DPH5: variants seen among roughly 807,000 people sequenced by gnomAD.
DPH5 encodes the protein diphthine methyl ester synthase.
Under a neutral mutation model 31.6 loss-of-function variants are expected in DPH5, and 31 were observed. The ratio of observed to expected loss-of-function variants is 0.98; its 90% CI spans 0.74 to 1.32. The LOEUF is 1.32. Among genes scored for constraint, DPH5 ranks in the 40% most tolerant of loss-of-function variants. DPH5 has a pLI of 0.00. For missense variants in DPH5, 309 were observed against 335.7 expected, an observed-to-expected ratio of 0.92 and a Z score of 0.62; for synonymous variants, 120 against 115.0, an observed-to-expected ratio of 1.04 and a Z score of -0.28.
At chr1:100,997,865 C>T (rs147295189) in intron 5 of DPH5, among the ~76,000 whole-genome samples, 5 of 152,120 alleles carry the variant, frequency 3.3e-5, no homozygotes, top group Non-Finnish European at 7.3e-5. Flanking sequence ...AATTATCCTT[C>T]GCCCGTCATC....
chr1:101,024,432 A>T (rs1174785403), intron 2 of DPH5, among the ~76,000 whole-genome samples: 1 of 152,218 alleles, frequency 6.6e-6, no homozygotes, highest in Non-Finnish European at 1.5e-5. Flanking sequence ...ATATATGTAT[A>T]TATCAAAGTT....
intron 4 of DPH5, among the ~76,000 whole-genome samples, chr1:101,012,549 T>A (rs1371283865): frequency 6.6e-6 from 1 of 152,224 alleles, no homozygotes; most frequent in Non-Finnish European, 1.5e-5. Flanking sequence ...TTCTTTGTAG[T>A]GCTAACATTT....
rs371843138 is a variant in DPH5 at position 101,024,148 on chromosome 1, T to G, written c.135+1161A>C. On this transcript the variant is annotated intron_variant, in intron 2 of 7. Transcript: ENST00000370109. ...TAGGCTGGGTGTGGTTGCTTGTGCC[T>G]ATACAATCCCAGCACTTTAGGAGGC... Among the ~76,000 whole-genome samples the G allele has an allele frequency of 1.4e-4, 22 of 152,306 alleles. No homozygotes were observed. In the South Asian group the frequency reaches 4.6e-3, roughly 32 times the overall value.
intron 3 of DPH5, among the ~76,000 whole-genome samples, chr1:101,020,167 G>T (rs991516797): frequency 1.3e-5 from 2 of 152,074 alleles, no homozygotes; most frequent in Non-Finnish European, 2.9e-5. Context: ...ATTTATATGA[G>T]CATTCTTCCT....
intron 2 of DPH5, 48 bp downstream of exon 2, chr1:101,025,261 T>C: frequency 6.2e-7 from 1 of 1,605,810 alleles, no homozygotes; most frequent in African/African-American, 1.3e-5. Context: ...GAAAATCAGA[T>C]GTTAGATAGC....
chr1:100,990,469 A>G lies in DPH5; in HGVS notation c.797T>C (p.Met266Thr), dbSNP rs1199144542. 6.2e-7 allele frequency: 1 copy of G among 1,614,172 alleles called. No homozygotes were observed. The highest frequency in any genetic ancestry group is 8.5e-7 in the Non-Finnish European group (1 of 1,180,010). ...GGSIHPMEME[M>T]LSLFSIPENS... ...TTCTGGTATGGAAAACAGACTTAGC[A>G]TCTCCATCTCCATTGGATGTATGCT... Residue 266 changes from methionine (M) to threonine (T), a missense_variant, in exon 8 of 8, where the codon ATG becomes ACG. By Grantham distance (81) the Met-to-Thr change is moderately conservative. Coordinates refer to ENST00000370109, the MANE Select transcript of DPH5 (RefSeq NM_015958.3).
chr1:100,992,055 G>A (rs1286301854), intron 7 of DPH5, among the ~76,000 whole-genome samples: 1 of 150,952 alleles, frequency 6.6e-6, no homozygotes, highest in African/African-American at 2.4e-5. Flanking sequence ...CTGAGATAGT[G>A]CCTCTGCACT....
At chr1:101,025,207 G>T in intron 2 of DPH5, 102 bp downstream of exon 2, 1 of 1,429,308 alleles carries the variant, frequency 7.0e-7, no homozygotes, top group Non-Finnish European at 9.4e-7. Flanking sequence ...CGTTTCAAAG[G>T]GTTTAAACAA....
At chr1:101,013,270 T>C (rs140476344) in intron 4 of DPH5, among the ~76,000 whole-genome samples, 33 of 152,276 alleles carry the variant, frequency 2.2e-4, no homozygotes, top group African/African-American at 7.7e-4. Context: ...ATAACTAACT[T>C]TACACATCAA....
chr1:101,023,520 T>C lies in DPH5; in HGVS notation c.136-1755A>G, dbSNP rs528921078. Reference sequence around the variant, plus strand: ...TAAGGCTGGGTCCAGCTTCAGGTCTTGACTCTGTAAGTAGTAACTCCAGAA... The same window carrying C: ...TAAGGCTGGGTCCAGCTTCAGGTCTCGACTCTGTAAGTAGTAACTCCAGAA... On this transcript the variant is annotated intron_variant, in intron 2 of 7. Coordinates refer to ENST00000370109, the MANE Select transcript of DPH5 (RefSeq NM_015958.3). 2.0e-5 allele frequency among the ~76,000 whole-genome samples: 3 copies of C among 152,246 alleles called. No homozygotes were observed. The East Asian group carries it at 5.8e-4, about 29-fold the overall frequency.
At position 100,996,852 on chromosome 1, in the gene DPH5, C is replaced by T. The variant is rs189843891; in HGVS notation, c.491-1703G>A. Among the ~76,000 whole-genome samples, 127 of 152,194 alleles carry T rather than the reference C, an allele frequency of 8.3e-4. 1 individual carries two copies. Among genetic ancestry groups the T allele is most frequent in the Admixed American group, 3.5e-3 (54 of 15,286 alleles). Reference sequence around the variant, plus strand: ...CTGTGTTTTCCTGCCATGGTTTATCCTCACTAATCCCTATGGAACTTAACC... The same window carrying T: ...CTGTGTTTTCCTGCCATGGTTTATCTTCACTAATCCCTATGGAACTTAACC... On this transcript the variant is annotated intron_variant, in intron 5 of 7. Coordinates refer to ENST00000370109, the MANE Select transcript of DPH5 (RefSeq NM_015958.3).
At chr1:100,991,165 T>C (rs1351817124) in intron 7 of DPH5, among the ~76,000 whole-genome samples, 1 of 152,234 alleles carries the variant, frequency 6.6e-6, no homozygotes, top group Non-Finnish European at 1.5e-5. Flanking sequence ...AGATAGTAGA[T>C]ATGAGACTAG....
intron 3 of DPH5, among the ~76,000 whole-genome samples, chr1:101,014,175 C>T (rs1482037486): frequency 6.6e-6 from 1 of 152,174 alleles, no homozygotes; most frequent in African/African-American, 2.4e-5. Flanking sequence ...GGTCTCAGAG[C>T]CCTTTTAAAT....
chr1:101,011,219 AT>A (rs912533937), intron 4 of DPH5, among the ~76,000 whole-genome samples: 2 of 149,578 alleles, frequency 1.3e-5, no homozygotes, highest in Non-Finnish European at 3.0e-5. Context: ...ATGATTTTTA[AT>A]GCTTTTTATG....
intron 5 of DPH5, among the ~76,000 whole-genome samples, chr1:101,001,021 C>T (rs1658824951): frequency 1.3e-5 from 2 of 152,210 alleles, no homozygotes; most frequent in African/African-American, 2.4e-5. Context: ...ATCTGTAAAA[C>T]AGGCCTCAAT....
At chr1:100,999,419 C>T (rs1227504424) in intron 5 of DPH5, among the ~76,000 whole-genome samples, 1 of 152,174 alleles carries the variant, frequency 6.6e-6, no homozygotes, top group African/African-American at 2.4e-5. Context: ...CACTGCACTC[C>T]AGCCTGGGAG....
chr1:100,995,724 A>C (rs1325260268), intron 5 of DPH5: 3 of 152,450 alleles, frequency 2.0e-5, no homozygotes, highest in Non-Finnish European at 4.4e-5. Flanking sequence ...TGCTCTCTAG[A>C]AGCTTGACAG....
intron 4 of DPH5, among the ~76,000 whole-genome samples, chr1:101,002,495 G>A (rs1435447121): frequency 6.6e-6 from 1 of 152,092 alleles, no homozygotes; most frequent in East Asian, 1.9e-4. Flanking sequence ...GAAACAATAG[G>A]TTAATATTAG....
At chr1:101,004,938 A>T (rs1467705256) in intron 4 of DPH5, among the ~76,000 whole-genome samples, 1 of 152,198 alleles carries the variant, frequency 6.6e-6, no homozygotes, top group Non-Finnish European at 1.5e-5. Flanking sequence ...TTCTCTCTAA[A>T]CATATATCTA....
Sources: allele counts gnomAD v4.1 joint callset (sites outside exome capture counted in the v4.1 genomes callset), GRCh38; gene constraint gnomAD v4.1.1; transcripts MANE v1.5; gene names NCBI Gene and HGNC (gene_info 2026-07-23, HGNC 2026-07-21).